PDZD2: variants seen among roughly 807,000 people sequenced by gnomAD.
PDZD2 encodes the protein PDZ domain-containing protein 2.
Under a neutral mutation model 220.7 loss-of-function variants are expected in PDZD2, and 90 were observed. That is an observed-to-expected ratio of 0.41 (90% CI 0.34 to 0.49). PDZD2 has a LOEUF of 0.49. Ranked by LOEUF, PDZD2 falls within the 20% of genes least tolerant of loss-of-function variation. The probability of loss-of-function intolerance (pLI) is 0.28; values close to 1 mark genes in which losing one functional copy is unlikely to be tolerated. For missense variants in PDZD2, 3,174 were observed against 3,608.5 expected (o/e 0.88, Z 3.08); for synonymous variants, 1,375 against 1,450.5 (o/e 0.95, Z 1.18).
At position 32,088,707 on chromosome 5, in the gene PDZD2, A is replaced by T; in HGVS notation, c.5259A>T (p.Ala1753=). ...TLNQYETSIN[A]AASLSSFSVD... Reference sequence around the variant, plus strand: ...ATCAATACGAAACAAGCATTAATGCAGCTGCCAGTCTGTCCTCCTTCAGTG... The same window carrying T: ...ATCAATACGAAACAAGCATTAATGCTGCTGCCAGTCTGTCCTCCTTCAGTG... The change falls in exon 20 of 25, where the codon GCA becomes GCT. Residue 1753 remains alanine, a synonymous_variant. Transcript: ENST00000438447. The surrounding 1 kb of genome is among the most constrained non-coding windows in gnomAD (Gnocchi z 4.6). 2 of 1,614,158 alleles carry T rather than the reference A, an allele frequency of 1.2e-6. No homozygotes were observed. Among genetic ancestry groups the T allele is most frequent in the Non-Finnish European group, 1.7e-6 (2 of 1,179,996 alleles).
rs774893351 is a variant in PDZD2 at position 32,089,586 on chromosome 5, C to T, written c.6138C>T (p.Ser2046=). 1.1e-4 allele frequency: 174 copies of T among 1,612,378 alleles called. No homozygotes were observed. Among genetic ancestry groups the T allele is most frequent in the Non-Finnish European group, 1.1e-4 (130 of 1,179,996 alleles). ...CGGCAGCGTCTAGGAACGGCATGTC[C>T]GTGGCAGGGAACAGACAGAGTGAGC... is the stretch of plus-strand genomic sequence containing the variant. The part of the protein sequence containing the change: ...VSPAASRNGM[S]VAGNRQSEPR... Residue 2046 remains serine, a synonymous_variant, in exon 20 of 25, where the codon TCC becomes TCT. Coordinates refer to ENST00000438447, the MANE Select transcript of PDZD2 (RefSeq NM_178140.4).
intron 2 of PDZD2, among the ~76,000 whole-genome samples, chr5:31,824,256 C>A (rs1466449803): frequency 6.6e-6 from 1 of 152,206 alleles, no homozygotes; most frequent in Non-Finnish European, 1.5e-5. Flanking sequence ...CATGCCATAG[C>A]TGTATTCTTA....
At chr5:32,104,544 T>G (rs2111725276) in intron 24 of PDZD2, among the ~76,000 whole-genome samples, 1 of 150,780 alleles carries the variant, frequency 6.6e-6, no homozygotes, top group South Asian at 2.1e-4. Flanking sequence ...GCCAACATGG[T>G]GAAACCCCGT....
At chr5:32,078,117 C>A (rs1741504300) in intron 19 of PDZD2, among the ~76,000 whole-genome samples, 1 of 152,068 alleles carries the variant, frequency 6.6e-6, no homozygotes, top group Non-Finnish European at 1.5e-5. Flanking sequence ...CATTTTCAGT[C>A]AGTTGACCCT....
chr5:31,978,968 G>A (rs1383542910), intron 2 of PDZD2, among the ~76,000 whole-genome samples: 3 of 152,068 alleles, frequency 2.0e-5, no homozygotes, highest in South Asian at 4.1e-4. Flanking sequence ...TTGTCATTTT[G>A]CCAAGAATGG....
intron 24 of PDZD2, chr5:32,106,071 CTTTA>C (rs1439727517): frequency 2.7e-5 from 4 of 148,450 alleles, no homozygotes; most frequent in Non-Finnish European, 6.1e-5. Flanking sequence ...TTATTGTATA[CTTTA>C]TTTCTGTTAT....
chr5:32,086,254 A>G (rs560323844), intron 19 of PDZD2, among the ~76,000 whole-genome samples: 1 of 152,312 alleles, frequency 6.6e-6, no homozygotes, highest in Non-Finnish European at 1.5e-5. Context: ...CCCCAGTGTG[A>G]GCCAAACCCA....
intron 1 of PDZD2, among the ~76,000 whole-genome samples, chr5:31,756,062 A>G (rs1038830223): frequency 1.3e-5 from 2 of 152,114 alleles, no homozygotes; most frequent in Non-Finnish European, 1.5e-5. Flanking sequence ...ACCTCCAGAA[A>G]TGCCTGGCCT....
At chr5:31,940,832 G>T (rs1561140530) in intron 2 of PDZD2, among the ~76,000 whole-genome samples, 1 of 152,196 alleles carries the variant, frequency 6.6e-6, no homozygotes, top group African/African-American at 2.4e-5. Context: ...GAACATCAGT[G>T]CAGATGACTC....
At chr5:31,707,253 G>A (rs1747871042) in intron 1 of PDZD2, among the ~76,000 whole-genome samples, 1 of 151,690 alleles carries the variant, frequency 6.6e-6, no homozygotes. Flanking sequence ...GTATACATAT[G>A]TAACAAACCT....
intron 2 of PDZD2, among the ~76,000 whole-genome samples, chr5:31,941,814 A>G (rs1440245961): frequency 6.6e-6 from 1 of 152,222 alleles, no homozygotes; most frequent in African/African-American, 2.4e-5. Context: ...TTAAAAGTGA[A>G]TGGATTCAGC....
chr5:31,761,346 G>C (rs185556560), intron 1 of PDZD2, among the ~76,000 whole-genome samples: 5 of 152,180 alleles, frequency 3.3e-5, no homozygotes. Flanking sequence ...TGGTAGCAGC[G>C]GGAGTAGAGA....
intron 2 of PDZD2, among the ~76,000 whole-genome samples, chr5:31,906,835 T>C (rs1381202603): frequency 6.6e-6 from 1 of 150,866 alleles, no homozygotes; most frequent in Non-Finnish European, 1.5e-5. Context: ...AGAGCAAGAC[T>C]CTGTCTCAAA....
At chr5:31,917,430 A>G (rs1224083394) in intron 2 of PDZD2, among the ~76,000 whole-genome samples, 1 of 152,196 alleles carries the variant, frequency 6.6e-6, no homozygotes, top group Non-Finnish European at 1.5e-5. Flanking sequence ...GAGGAGGCTG[A>G]GGCAGGAGCA....
intron 2 of PDZD2, among the ~76,000 whole-genome samples, chr5:31,857,419 A>G (rs1300724934): frequency 6.6e-6 from 1 of 152,142 alleles, no homozygotes; most frequent in Non-Finnish European, 1.5e-5. Flanking sequence ...TTGCTGGTAA[A>G]ATACACCTTC....
chr5:31,774,309 G>A (rs1386642158), intron 1 of PDZD2, among the ~76,000 whole-genome samples: 2 of 152,036 alleles, frequency 1.3e-5, no homozygotes, highest in Non-Finnish European at 2.9e-5. Flanking sequence ...ATGAGGAAAG[G>A]TGTGAATCAG....
chr5:31,918,516 C>G lies in PDZD2; in HGVS notation c.477-64639C>G, dbSNP rs539541919. On this transcript the variant is annotated intron_variant, in intron 2 of 24. Transcript: ENST00000438447. ...TATTATAGTCAGCAAATGGAAAGGACAGAAAAAGACACCTGGTGTTCTGAC... is the reference window on the plus strand; with the variant it reads ...TATTATAGTCAGCAAATGGAAAGGAGAGAAAAAGACACCTGGTGTTCTGAC... Among the ~76,000 whole-genome samples the G allele has an allele frequency of 2.6e-4, 40 of 152,268 alleles. No individual in the cohort carries two copies. In the South Asian group the frequency reaches 6.4e-3, roughly 24 times the overall value.
intron 1 of PDZD2, among the ~76,000 whole-genome samples, chr5:31,680,748 T>C (rs1182197088): frequency 2.0e-5 from 3 of 152,168 alleles, no homozygotes; most frequent in African/African-American, 7.2e-5. Context: ...CTGGAAATGA[T>C]GCCGGCTTGT....
Position 31,896,627 on chromosome 5 carries a change from T to A in PDZD2, c.477-86528T>A, listed in dbSNP as rs75002808. Among the ~76,000 whole-genome samples, 964 of 152,302 alleles carry A rather than the reference T, an allele frequency of 6.3e-3. 13 individuals are homozygous for A. The highest frequency in any genetic ancestry group is 0.023 in the African/African-American group (944 of 41,560). On this transcript the variant is annotated intron_variant, in intron 2 of 24. Coordinates refer to ENST00000438447, the MANE Select transcript of PDZD2 (RefSeq NM_178140.4). ...ACAAGGGTTTCTGAGTCTTTAGAGATACATACGAATTTTTAAAATTGTGTG... is the reference window on the plus strand; with the variant it reads ...ACAAGGGTTTCTGAGTCTTTAGAGAAACATACGAATTTTTAAAATTGTGTG...
Sources: allele counts gnomAD v4.1 joint callset (sites outside exome capture counted in the v4.1 genomes callset), GRCh38; gene constraint gnomAD v4.1.1; non-coding constraint Gnocchi (gnomAD v3.1); transcripts MANE v1.5; gene names NCBI Gene and HGNC (gene_info 2026-07-23, HGNC 2026-07-21).